Variants in LRRK1 observed in about 807,000 individuals in gnomAD.
LRRK1 encodes leucine rich repeat kinase 1.
A neutral mutation model predicts 209.1 loss-of-function variants in LRRK1; 113 were observed. The observed-to-expected ratio is 0.54, with a 90% CI of 0.46 to 0.63. The LOEUF is 0.63. Among genes scored for constraint, LRRK1 ranks in the 30% least tolerant of loss-of-function variants. The pLI is 0.00. For missense variants in LRRK1, 2,284 were observed against 2,632.2 expected (o/e 0.87, Z 2.89); for synonymous variants, 1,144 against 1,099.7 (o/e 1.04, Z -0.80).
chr15:101,005,393 A>G (rs1399906227), intron 6 of LRRK1, among the ~76,000 whole-genome samples: 2 of 152,204 alleles, frequency 1.3e-5, no homozygotes, highest in African/African-American at 4.8e-5. Context: ...TTAACAGATT[A>G]AAAACAATGA....
rs1375773751 is a variant in LRRK1 at position 101,057,188 on chromosome 15, G to A, written c.4527+138G>A. 8 of 677,910 alleles carry A rather than the reference G, an allele frequency of 1.2e-5. No homozygotes were observed. The East Asian group carries it at 2.1e-4, about 17-fold the overall frequency. The allele number at this position is 677,910 out of a possible 1,614,324, so 42.0% of individuals were successfully genotyped here. ...CTGCTCATTTCTTCTAGAGGGTGATGTTTGCTGCTCCTAACATACCTACTT... is the reference window on the plus strand; with the variant it reads ...CTGCTCATTTCTTCTAGAGGGTGATATTTGCTGCTCCTAACATACCTACTT... On this transcript the variant is annotated intron_variant, in intron 28 of 33. Coordinates refer to ENST00000388948, the MANE Select transcript of LRRK1 (RefSeq NM_024652.6).
chr15:101,047,639 A>T (rs2035157127), intron 21 of LRRK1, among the ~76,000 whole-genome samples: 1 of 152,212 alleles, frequency 6.6e-6, no homozygotes, highest in Non-Finnish European at 1.5e-5. Context: ...CAGCAGTGAG[A>T]TGCCAGTTTT....
intron 20 of LRRK1, among the ~76,000 whole-genome samples, chr15:101,029,824 C>G (rs56932565): frequency 0.16 from 24,974 of 152,084 alleles, 2,554 homozygotes; most frequent in East Asian, 0.32. Flanking sequence ...ACAGAGATCA[C>G]AGCTCTGCAC....
chr15:101,011,861 A>G, intron 9 of LRRK1, 147 bp from the exon 10 acceptor site: 3 of 656,348 alleles, frequency 4.6e-6, no homozygotes, highest in South Asian at 2.0e-5. Flanking sequence ...GAGGGTGTGC[A>G]GCCTTCCAGC....
intron 2 of LRRK1, among the ~76,000 whole-genome samples, chr15:100,928,599 G>C (rs565628987): frequency 1.3e-5 from 2 of 152,216 alleles, no homozygotes; most frequent in African/African-American, 4.8e-5. Context: ...TGAAAACGAC[G>C]ACGTTCTTAT....
chr15:100,941,312 G>GTCTGTGTCTCTGTGTGTT (rs1160663476), intron 2 of LRRK1, among the ~76,000 whole-genome samples: 1 of 19,052 alleles, frequency 5.2e-5, no homozygotes. Flanking sequence ...ATGTGTGTGT[G>GTCTGTGTCTCTGTGTGTT]TCTGTGTGTG....
chr15:101,010,390 T>C, intron 7 of LRRK1, 60 bp from the exon 8 acceptor site: 3 of 1,556,910 alleles, frequency 1.9e-6, no homozygotes, highest in Non-Finnish European at 2.6e-6. Flanking sequence ...TAGAAAAATA[T>C]GTAAATTTGG....
At chr15:100,977,666 A>G (rs1567211619) in intron 3 of LRRK1, among the ~76,000 whole-genome samples, 1 of 152,294 alleles carries the variant, frequency 6.6e-6, no homozygotes, top group East Asian at 1.9e-4. Context: ...AACTGATTCT[A>G]AGTACAGCCC....
chr15:100,998,037 T>C (rs1345792942), intron 6 of LRRK1, among the ~76,000 whole-genome samples: 1 of 151,058 alleles, frequency 6.6e-6, no homozygotes, highest in African/African-American at 2.4e-5. Flanking sequence ...CAAACATGAG[T>C]TGGGTGTGGT....
Position 101,022,466 on chromosome 15 carries a change from C to G in LRRK1, c.1936C>G (p.Pro646Ala). The change falls in exon 15 of 34, where the codon CCC becomes GCC. Residue 646 changes from proline to alanine, a missense_variant. Pro to Ala is a conservative substitution (Grantham distance 27, BLOSUM62 -1). Transcript: ENST00000388948. This position sits in a 1 kb window ranked among gnomAD's most constrained non-coding sequence, Gnocchi z 4.0. The stretch of plus-strand genomic sequence containing the variant: ...GCTGATGAAGATGATCATCGTGGGT[C>G]CCCCGCGCCAGGGCAAGTCCACCCT... ...CKLMKMIIVG[P>A]PRQGKSTLLE... is the part of the protein sequence containing the mutation. 6.2e-7 allele frequency: 1 copy of G among 1,614,192 alleles called. No individual in the cohort carries two copies. Among genetic ancestry groups the G allele is most frequent in the African/African-American group, 1.3e-5 (1 of 75,054 alleles).
chr15:100,936,945 A>G (rs62019452), intron 2 of LRRK1, among the ~76,000 whole-genome samples: 29,199 of 152,254 alleles, frequency 0.19, 3,452 homozygotes, highest in Admixed American at 0.26. Flanking sequence ...TTCAACCAAC[A>G]TAAGTTTGAT....
intron 3 of LRRK1, among the ~76,000 whole-genome samples, chr15:100,982,235 G>T (rs1203379372): frequency 6.6e-6 from 1 of 152,214 alleles, no homozygotes; most frequent in Admixed American, 6.5e-5. Flanking sequence ...CATTCCAATA[G>T]GGGATCCCCA....
Position 101,051,901 on chromosome 15 carries a change from C to G in LRRK1, c.3630C>G (p.Asp1210Glu). 6.2e-7 allele frequency: 1 copy of G among 1,614,034 alleles called. No homozygotes were observed. Among genetic ancestry groups the G allele is most frequent in the Non-Finnish European group, 8.5e-7 (1 of 1,180,026 alleles). The change falls in exon 24 of 34, where the codon GAC (aspartate) becomes GAG (glutamate). Residue 1210 changes from aspartate (D) to glutamate (E), a missense_variant. Asp to Glu is a conservative substitution (Grantham distance 45). Transcript: ENST00000388948. ...RDFISCPRHP[D>E]LPVPLQELVP... The stretch of plus-strand genomic sequence containing the variant: ...TCATCTCCTGCCCCAGACACCCGGA[C>G]CTCCCCGTGCCGCTGCAGGAGCTGG...
chr15:101,036,052 A>T (rs112312859), intron 20 of LRRK1, among the ~76,000 whole-genome samples: 2 of 152,146 alleles, frequency 1.3e-5, no homozygotes, highest in Non-Finnish European at 2.9e-5. Context: ...ACTTGACTAT[A>T]ATGTGCCATG....
intron 17 of LRRK1, among the ~76,000 whole-genome samples, chr15:101,026,602 T>C (rs1281922799): frequency 6.6e-6 from 1 of 152,240 alleles, no homozygotes; most frequent in Non-Finnish European, 1.5e-5. Flanking sequence ...GACGTGTCCA[T>C]ACAGATAAGT....
At position 101,008,959 on chromosome 15, in the gene LRRK1, G is replaced by A. The variant is rs771062551; in HGVS notation, c.885G>A (p.Ser295=). Residue 295 remains serine, a synonymous_variant, in exon 7 of 34, where the codon TCG becomes TCA. Transcript: ENST00000388948. ...LSANCLATLP[S]VIPWGLINLR... Reference sequence around the variant, plus strand: ...CCAACTGCCTGGCGACCCTCCCCTCGGTTATCCCCTGGGGCCTCATCAATC... The same window carrying A: ...CCAACTGCCTGGCGACCCTCCCCTCAGTTATCCCCTGGGGCCTCATCAATC... 7.4e-6 allele frequency: 12 copies of A among 1,614,068 alleles called. No homozygotes were observed.
intron 2 of LRRK1, among the ~76,000 whole-genome samples, chr15:100,929,634 G>A (rs796713612): frequency 4.6e-5 from 7 of 152,322 alleles, no homozygotes; most frequent in South Asian, 2.1e-4. Context: ...GAAAGTCTAC[G>A]AGGGACAGAT....
intron 2 of LRRK1, 74 bp downstream of exon 2, chr15:100,924,803 G>A (rs963399302): frequency 1.8e-5 from 20 of 1,100,214 alleles, no homozygotes; most frequent in Admixed American, 5.3e-5. Flanking sequence ...TCTAGGCTAT[G>A]TAAGAACAAG....
intron 20 of LRRK1, among the ~76,000 whole-genome samples, chr15:101,032,905 A>G (rs1376669287): frequency 6.6e-6 from 1 of 152,190 alleles, no homozygotes; most frequent in Non-Finnish European, 1.5e-5. Flanking sequence ...TTAGAGTAAG[A>G]CTTGAAATCA....
Sources: gnomAD v4.1 joint callset for allele counts (sites outside exome capture counted in the v4.1 genomes callset) on GRCh38, gnomAD v4.1.1 for gene constraint, Gnocchi (gnomAD v3.1) non-coding constraint, MANE v1.5 for transcripts, NCBI Gene and HGNC (gene_info 2026-07-23, HGNC 2026-07-21) for gene names.